ABLIM2: variants seen among roughly 807,000 people sequenced by gnomAD.
ABLIM2 encodes the protein actin binding LIM protein family member 2.
A neutral mutation model predicts 97.7 loss-of-function variants in ABLIM2; 53 were observed. That is an observed-to-expected ratio of 0.54 (90% CI 0.44 to 0.68). The LOEUF (loss-of-function observed/expected upper bound fraction) is 0.68, where lower values mean the gene tolerates loss of function less well. ABLIM2 is among the 30% of genes least tolerant of loss of function. The pLI, the probability that ABLIM2 is intolerant of heterozygous loss-of-function variation, is 0.00. For missense variants in ABLIM2, 835 were observed against 867.2 expected, an observed-to-expected ratio of 0.96 and a Z score of 0.47; for synonymous variants, 361 against 345.8, an observed-to-expected ratio of 1.04 and a Z score of -0.49.
At chr4:8,007,237 C>G in intron 16 of ABLIM2, 1 of 985,384 alleles carries the variant, frequency 1.0e-6, no homozygotes, top group African/African-American at 1.7e-5. Flanking sequence ...ATACCCAGTT[C>G]CAGTCTCCTA....
chr4:8,078,463 G>A (rs1817724083), intron 5 of ABLIM2, among the ~76,000 whole-genome samples: 2 of 152,242 alleles, frequency 1.3e-5, no homozygotes, highest in Non-Finnish European at 2.9e-5. Flanking sequence ...CCATAAATGA[G>A]CTACAGAGAA....
chr4:8,117,321 G>T (rs868710300), intron 1 of ABLIM2, among the ~76,000 whole-genome samples: 2 of 152,022 alleles, frequency 1.3e-5, no homozygotes, highest in Non-Finnish European at 2.9e-5. Flanking sequence ...AGAAAGCTGC[G>T]ACTAACCGAT....
At position 8,067,718 on chromosome 4, in the gene ABLIM2, C is replaced by T. The variant is rs1808890954; in HGVS notation, c.676-6664G>A. On this transcript the variant is annotated intron_variant, in intron 6 of 20. Coordinates refer to ENST00000447017, the MANE Select transcript of ABLIM2 (RefSeq NM_001130083.2). This position sits in a 1 kb window ranked among gnomAD's most constrained non-coding sequence, Gnocchi z 5.4. ...GCAAATGTGCCTGCCGGTGCTCAGG[C>T]CTGTCCCAGGCTCGTGGCCAAAGCC... The T allele has an allele frequency of 6.6e-6, 1 of 152,250 alleles. No individual in the cohort carries two copies. Among genetic ancestry groups the T allele is most frequent in the Admixed American group, 6.5e-5 (1 of 15,288 alleles). The allele number at this position is 152,250 out of a possible 1,614,324, so 9.4% of individuals were successfully genotyped here. A position where few individuals can be genotyped will look rare whatever the true frequency, so the allele number is the denominator to read the frequency against.
At chr4:8,079,670 C>CCTCA (rs1382129523) in intron 5 of ABLIM2, among the ~76,000 whole-genome samples, 1 of 152,146 alleles carries the variant, frequency 6.6e-6, no homozygotes, top group Admixed American at 6.5e-5. Context: ...TAGTATACAC[C>CCTCA]CTCAGCCAGG....
In ABLIM2 at chr4:8,147,902, C is replaced by T. The variant is rs999365676; in HGVS notation, c.10+10778G>A. On this transcript the variant is annotated intron_variant, in intron 1 of 20. Coordinates refer to ENST00000447017, the MANE Select transcript of ABLIM2 (RefSeq NM_001130083.2). The surrounding 1 kb of genome is among the most constrained non-coding windows in gnomAD (Gnocchi z 5.3). ...TGTGCCATCTTCCCTGAGCGAGGCA[C>T]GGACCTGCACAAAACCCTTTCTTTA... Among the ~76,000 whole-genome samples, 27 of 152,224 alleles carry T rather than the reference C, an allele frequency of 1.8e-4. No individual in the cohort carries two copies. The highest frequency in any genetic ancestry group is 5.8e-4 in the African/African-American group (24 of 41,472).
chr4:8,114,372 T>A (rs1279921636), intron 1 of ABLIM2, among the ~76,000 whole-genome samples: 1 of 152,160 alleles, frequency 6.6e-6, no homozygotes, highest in Non-Finnish European at 1.5e-5. Context: ...CACGCACACT[T>A]TGCATCCTCA....
chr4:8,024,200 G>A (rs185416287), intron 12 of ABLIM2, among the ~76,000 whole-genome samples: 352 of 152,242 alleles, frequency 2.3e-3, no homozygotes, highest in Admixed American at 4.1e-3. Context: ...TGGGCCCACC[G>A]CTCAGCACAT....
intron 20 of ABLIM2, among the ~76,000 whole-genome samples, chr4:7,978,479 A>C (rs1005250912): frequency 6.6e-6 from 1 of 152,232 alleles, no homozygotes; most frequent in Non-Finnish European, 1.5e-5. Flanking sequence ...AGTCCTGTCA[A>C]GCATACTACA....
chr4:8,115,679 A>G (rs76211467), intron 1 of ABLIM2, among the ~76,000 whole-genome samples: 2,187 of 152,302 alleles, frequency 0.014, 46 homozygotes, highest in African/African-American at 0.05. Context: ...GGTGACGATC[A>G]CAACAACCGT....
intron 14 of ABLIM2, among the ~76,000 whole-genome samples, chr4:8,011,450 G>C (rs1167779116): frequency 6.6e-6 from 1 of 152,206 alleles, no homozygotes. Flanking sequence ...TCGGATTATT[G>C]GTGGCTTGCT....
At position 7,980,941 on chromosome 4, in the gene ABLIM2, A is replaced by ATTTTTTTTTTTTTTATT. The variant is rs1737714579; in HGVS notation, c.1824+2322_1824+2323insAATAAAAAAAAAAAAAA. On this transcript the variant is annotated intron_variant, in intron 20 of 20. Transcript: ENST00000447017. ...AGAACCATGGTCTCCACAACCCCTT[A>ATTTTTTTTTTTTTTATT]TTTTTTTTTTTTTTTTTTTTGAGAT... is the stretch of plus-strand genomic sequence containing the variant. Among the ~76,000 whole-genome samples, 2 of 82,988 alleles carry ATTTTTTTTTTTTTTATT rather than the reference A, an allele frequency of 2.4e-5. 1 individual carries two copies. The highest frequency in any genetic ancestry group is 3.3e-4 in the Admixed American group (2 of 6,104). The allele number at this position is 82,988 out of a possible 152,430, so 54.4% of individuals were successfully genotyped here. A position where few individuals can be genotyped will look rare whatever the true frequency, so the allele number is the denominator to read the frequency against.
At chr4:8,030,312 T>A (rs1466788467) in intron 10 of ABLIM2, among the ~76,000 whole-genome samples, 1 of 152,100 alleles carries the variant, frequency 6.6e-6, no homozygotes, top group Non-Finnish European at 1.5e-5. Context: ...GAGCAGCTGT[T>A]TGCAGCAGGC....
At chr4:7,974,862 C>G (rs1264614266) in intron 20 of ABLIM2, among the ~76,000 whole-genome samples, 1 of 152,182 alleles carries the variant, frequency 6.6e-6, no homozygotes, top group Admixed American at 6.5e-5. Context: ...GATAGACTTT[C>G]CTATCTAAGG....
intron 1 of ABLIM2, among the ~76,000 whole-genome samples, chr4:8,145,201 CCAGA>C (rs1169534678): frequency 7.3e-6 from 1 of 136,290 alleles, no homozygotes; most frequent in Non-Finnish European, 1.6e-5. Flanking sequence ...TTTTTTTTTT[CCAGA>C]CAGAGTCTCG....
At chr4:8,020,036 C>T (rs1268497562) in intron 13 of ABLIM2, among the ~76,000 whole-genome samples, 166 bp downstream of exon 13, 1 of 137,036 alleles carries the variant, frequency 7.3e-6, no homozygotes, top group African/African-American at 2.6e-5. Context: ...TTGTGAAAAC[C>T]CGTCTGATGG....
At chr4:8,144,707 A>G (rs1851518880) in intron 1 of ABLIM2, among the ~76,000 whole-genome samples, 1 of 151,952 alleles carries the variant, frequency 6.6e-6, no homozygotes, top group Admixed American at 6.6e-5. Flanking sequence ...TCCCCACCCC[A>G]CCACCTGGTG....
intron 1 of ABLIM2, among the ~76,000 whole-genome samples, chr4:8,136,134 A>G (rs6849808): frequency 0.27 from 40,719 of 152,160 alleles, 6,837 homozygotes; most frequent in African/African-American, 0.48. Flanking sequence ...AAGAAGAAAT[A>G]AAATCCCGAC....
At chr4:8,133,027 G>A (rs755020288) in intron 1 of ABLIM2, among the ~76,000 whole-genome samples, 18 of 152,136 alleles carry the variant, frequency 1.2e-4, no homozygotes, top group Non-Finnish European at 2.1e-4. Context: ...TGAGGACAAC[G>A]CAGGCTCTGG....
At chr4:8,008,732 C>T (rs929357716) in intron 15 of ABLIM2, among the ~76,000 whole-genome samples, 2 of 152,224 alleles carry the variant, frequency 1.3e-5, no homozygotes, top group Admixed American at 6.5e-5. Flanking sequence ...TTATGAAGAA[C>T]GTCTGATGAA....
Sources: gnomAD v4.1 joint callset for allele counts (sites outside exome capture counted in the v4.1 genomes callset) on GRCh38, gnomAD v4.1.1 for gene constraint, Gnocchi (gnomAD v3.1) non-coding constraint, MANE v1.5 for transcripts, NCBI Gene and HGNC (gene_info 2026-07-23, HGNC 2026-07-21) for gene names.